The following SYTL2 variants were observed in gnomAD, a reference collection of about 807,000 sequenced individuals.
SYTL2 encodes synaptotagmin-like protein 2.
In SYTL2, 165 loss-of-function variants were observed where a neutral mutation model predicts 198.7. The observed-to-expected ratio is 0.83, with a 90% CI of 0.73 to 0.94. SYTL2 has a LOEUF of 0.94. SYTL2 is among the 40% of genes least tolerant of loss of function. SYTL2 has a pLI of 0.00. For missense variants in SYTL2, 2,835 were observed against 2,582.8 expected, an observed-to-expected ratio of 1.10 and a Z score of -2.12; for synonymous variants, 966 against 917.7, an observed-to-expected ratio of 1.05 and a Z score of -0.95.
the SYTL2 span, among the ~76,000 whole-genome samples, chr11:85,829,462 C>T: frequency 7.9e-5 from 12 of 152,218 alleles, no homozygotes; most frequent in African/African-American, 2.2e-4. Flanking sequence ...TCGATGGGCA[C>T]GTAGGTTGAT....
upstream of SYTL2, among the ~76,000 whole-genome samples, chr11:85,811,683 TA>T (rs1221786418): frequency 6.6e-6 from 1 of 152,124 alleles, no homozygotes; most frequent in East Asian, 1.9e-4. Context: ...TAAAATACAA[TA>T]ATACCTAGAG....
At chr11:85,706,787 C>G (rs113892280) in intron 15 of SYTL2, among the ~76,000 whole-genome samples, 1 of 152,122 alleles carries the variant, frequency 6.6e-6, no homozygotes, top group Non-Finnish European at 1.5e-5. Flanking sequence ...TAAGATCATT[C>G]TGGTTGCAAT....
intron 1 of SYTL2, among the ~76,000 whole-genome samples, chr11:85,786,134 T>TA (rs1303972530): frequency 6.6e-6 from 1 of 152,104 alleles, no homozygotes; most frequent in Non-Finnish European, 1.5e-5. Flanking sequence ...GTGCTAAATA[T>TA]AAAAAGGCCA....
In SYTL2 at chr11:85,725,132, C is replaced by T. The variant is rs765970228; in HGVS notation, c.4226G>A (p.Ser1409Asn). 5.0e-6 allele frequency: 8 copies of T among 1,614,062 alleles called. No individual in the cohort carries two copies. The highest frequency in any genetic ancestry group is 6.8e-6 in the Non-Finnish European group (8 of 1,179,972). The change falls in exon 8 of 20, where the codon AGC (serine) becomes AAC (asparagine). Residue 1409 changes from serine (S) to asparagine (N), a missense_variant. Ser to Asn is a conservative substitution (Grantham distance 46, BLOSUM62 1). This residue lies in a region of SYTL2 where 2,645 missense variants were observed against 2,381.7 expected (regional missense o/e 1.11). Transcript: ENST00000359152. ...EFPEAVQPVC[S>N]PLNPPGVISP... ...TATCACTCCTGGAGGATTTAGGGGGCTACATACTGGCTGTACTGCTTCAGG... is the reference window on the plus strand; with the variant it reads ...TATCACTCCTGGAGGATTTAGGGGGTTACATACTGGCTGTACTGCTTCAGG...
At chr11:85,712,832 T>C (rs1033179573) in intron 12 of SYTL2, among the ~76,000 whole-genome samples, 1 of 152,012 alleles carries the variant, frequency 6.6e-6, no homozygotes, top group African/African-American at 2.4e-5. Flanking sequence ...TTCCCCTGCC[T>C]TACCCTCTCA....
In SYTL2 at chr11:85,724,549, C is replaced by T. The variant is rs755942812; in HGVS notation, c.4809G>A (p.Arg1603=). ...EKESSQSEQT[R]FLGTVPHFYR... ...AAAAATGGGGCACTGTCCCCAAGAA[C>T]CTGGTCTGCTCTGACTGTGAGGACT... Residue 1603 remains arginine, a synonymous_variant, in exon 8 of 20, where the codon AGG becomes AGA. Transcript: ENST00000359152. 1.2e-6 allele frequency: 2 copies of T among 1,614,028 alleles called. No individual in the cohort carries two copies. The highest frequency in any genetic ancestry group is 2.2e-5 in the East Asian group (1 of 44,888).
the SYTL2 span, among the ~76,000 whole-genome samples, chr11:85,848,995 C>T: frequency 6.6e-6 from 1 of 152,152 alleles, no homozygotes; most frequent in Non-Finnish European, 1.5e-5. Context: ...CAGGTATGTG[C>T]CTCTGGCTTA....
chr11:85,760,562 T>A (rs2092068917), intron 1 of SYTL2, among the ~76,000 whole-genome samples: 1 of 152,216 alleles, frequency 6.6e-6, no homozygotes, highest in African/African-American at 2.4e-5. Flanking sequence ...GAAAATAGAT[T>A]TAGGCCACAT....
chr11:85,734,453 G>C lies in SYTL2; in HGVS notation c.876C>G (p.His292Gln), dbSNP rs2090139413. 6.2e-7 allele frequency: 1 copy of C among 1,614,218 alleles called. No individual in the cohort carries two copies. Among genetic ancestry groups the C allele is most frequent in the Non-Finnish European group, 8.5e-7 (1 of 1,180,042 alleles). Reference protein sequence around the residue: ...STDSETLRYNHNFEPKSKIVS... With the variant: ...STDSETLRYNQNFEPKSKIVS... ...CAATTTTGCTTTTGGGTTCAAAGTT[G>C]TGATTATAACGAAGGGTTTCTGAGT... Residue 292 changes from histidine to glutamine, a missense_variant, in exon 7 of 20, where the codon CAC becomes CAG. By Grantham distance (24) the His-to-Gln change is conservative. Around this residue, in one of 3 missense-constraint regions of SYTL2, gnomAD observed 2,645 missense variants for 2,381.7 expected, o/e 1.11. Coordinates refer to ENST00000359152, the MANE Select transcript of SYTL2 (RefSeq NM_206927.4).
At chr11:85,796,118 G>T (rs528770580) in intron 1 of SYTL2, among the ~76,000 whole-genome samples, 9 of 152,142 alleles carry the variant, frequency 5.9e-5, no homozygotes, top group African/African-American at 2.2e-4. Flanking sequence ...GGCAGCACAG[G>T]GAAGAAAAAG....
intron 1 of SYTL2, among the ~76,000 whole-genome samples, chr11:85,788,863 T>G (rs1470480091): frequency 6.6e-6 from 1 of 152,020 alleles, no homozygotes. Context: ...GGTCTCATTC[T>G]GCATACTCAC....
At chr11:85,847,135 A>T in the SYTL2 span, among the ~76,000 whole-genome samples, 2 of 152,186 alleles carry the variant, frequency 1.3e-5, no homozygotes, top group Non-Finnish European at 2.9e-5. Flanking sequence ...ACAAATCTAT[A>T]CACCCTTGTA....
chr11:85,700,377 TGAATAGA>T, intron 17 of SYTL2, 131 bp downstream of exon 17: 2 of 590,530 alleles, frequency 3.4e-6, no homozygotes, highest in South Asian at 5.2e-5. Context: ...TTTACAACTG[TGAATAGA>T]CTCATTTGGT....
Position 85,725,679 on chromosome 11 carries a change from G to T in SYTL2, c.3679C>A (p.Pro1227Thr). Residue 1227 changes from proline to threonine, a missense_variant, in exon 8 of 20, where the codon CCC becomes ACC. Physicochemically the swap from Pro to Thr is conservative, Grantham distance 38. Coordinates refer to ENST00000359152, the MANE Select transcript of SYTL2 (RefSeq NM_206927.4). ...ACAGGCGCCAACTTGGCTTGCAAGG[G>T]AGAGGGTGAAGTTCCAGTTGCTTCC... ...LKEATGTSPS[P>T]LQAKLAPVIT... 6.2e-7 allele frequency: 1 copy of T among 1,614,066 alleles called. No homozygotes were observed. The highest frequency in any genetic ancestry group is 8.5e-7 in the Non-Finnish European group (1 of 1,180,006).
In SYTL2 at chr11:85,724,924, T is replaced by G. The variant is rs2153462900; in HGVS notation, c.4434A>C (p.Glu1478Asp). The G allele has an allele frequency of 6.2e-7, 1 of 1,614,134 alleles. No individual in the cohort carries two copies. The highest frequency in any genetic ancestry group is 2.2e-5 in the East Asian group (1 of 44,888). ...TTGTTTCCCTCACAATTTCTTCCAC[T>G]TCCTGAGGGAGGCCTTTGCCATATT... ...VAQYGKGLPQ[E>D]VEEIVRETIV... The change falls in exon 8 of 20, where the codon GAA (glutamate) becomes GAC (aspartate). Residue 1478 changes from glutamate to aspartate, a missense_variant. Transcript: ENST00000359152.
At chr11:85,780,763 C>G (rs2092546108) in intron 1 of SYTL2, among the ~76,000 whole-genome samples, 1 of 151,924 alleles carries the variant, frequency 6.6e-6, no homozygotes, top group Non-Finnish European at 1.5e-5. Context: ...TAGTCAAACC[C>G]AAAAAAAGGA....
intron 4 of SYTL2, among the ~76,000 whole-genome samples, chr11:85,742,489 G>A (rs1214621803): frequency 6.6e-6 from 1 of 152,110 alleles, no homozygotes; most frequent in East Asian, 1.9e-4. Flanking sequence ...TCTGTTGTGG[G>A]GGGCACACAA....
intron 1 of SYTL2, among the ~76,000 whole-genome samples, chr11:85,763,563 T>C (rs902616110): frequency 6.6e-6 from 1 of 152,178 alleles, no homozygotes; most frequent in Admixed American, 6.5e-5. Flanking sequence ...AGATAGCATC[T>C]TCTGCTTTCC....
intron 1 of SYTL2, among the ~76,000 whole-genome samples, chr11:85,769,140 G>A (rs920420458): frequency 1.3e-5 from 2 of 152,196 alleles, no homozygotes; most frequent in African/African-American, 4.8e-5. Context: ...TTAATTCTAT[G>A]GTAGGCAGAA....
Sources: gnomAD v4.1 joint callset for allele counts (sites outside exome capture counted in the v4.1 genomes callset) on GRCh38, gnomAD v4.1.1 for gene constraint, gnomAD v4.1.1 regional missense constraint, MANE v1.5 for transcripts, NCBI Gene and HGNC (gene_info 2026-07-23, HGNC 2026-07-21) for gene names.